The following CCL26 variants were observed in gnomAD, a reference collection of about 807,000 sequenced individuals.
The protein encoded by CCL26 is C-C motif chemokine ligand 26.
Under a neutral mutation model 10.7 loss-of-function variants are expected in CCL26, and 10 were observed. The observed-to-expected ratio is 0.93, with a 90% CI of 0.57 to 1.58. The LOEUF (loss-of-function observed/expected upper bound fraction) is 1.58. Among genes scored for constraint, CCL26 ranks in the 40% most tolerant of loss-of-function variants. CCL26 has a pLI of 0.00. For synonymous variants in CCL26, 43 were observed against 41.4 expected, an observed-to-expected ratio of 1.04 and a Z score of -0.15; for missense variants, 116 against 111.0, an observed-to-expected ratio of 1.05 and a Z score of -0.20.
chr7:75,781,589 A>G (rs575396831), intron 1 of CCL26, among the ~76,000 whole-genome samples: 1 of 152,316 alleles, frequency 6.6e-6, no homozygotes, highest in Admixed American at 6.5e-5. Flanking sequence ...ACCTGCACGT[A>G]TGCATCCAGA....
intron 1 of CCL26, among the ~76,000 whole-genome samples, chr7:75,787,115 G>A (rs1050789204): frequency 4.6e-5 from 7 of 152,242 alleles, no homozygotes; most frequent in Non-Finnish European, 8.8e-5. Flanking sequence ...TTCACTGGAT[G>A]GGTAGAGGCC....
intron 1 of CCL26, among the ~76,000 whole-genome samples, chr7:75,783,659 C>T (rs187464303): frequency 0.039 from 5,918 of 151,936 alleles, 157 homozygotes; most frequent in South Asian, 0.13. Flanking sequence ...TGGTGGCAGG[C>T]GCCTGTAGTC....
At chr7:75,787,702 A>C (rs1297265957) in intron 1 of CCL26, among the ~76,000 whole-genome samples, 2 of 99,800 alleles carry the variant, frequency 2.0e-5, no homozygotes, top group Non-Finnish European at 4.2e-5. Context: ...CAGCCTCTCA[A>C]CTTAAAAAAA....
rs1802832979 is a variant in CCL26 at position 75,771,990 on chromosome 7, TA to T, written c.86del (p.Ile29AsnfsTer34). ...HLGTATRGSDISKTCCFQYSH... is the reference protein window; with the variant it reads ...HLGTATRGSDXSKTCCFQYSH... ...TGTATTGGAAGCAGCAGGTCTTGGA[TA>T]TGTCACTCCCACCTAAAAATCAGGG... is the stretch of plus-strand genomic sequence containing the variant. On this transcript the variant is annotated frameshift_variant, in exon 2 of 3. Transcript: ENST00000005180. LOFTEE classifies it high-confidence loss of function. The T allele has an allele frequency of 6.2e-7, 1 of 1,613,544 alleles. No individual in the cohort carries two copies. The highest frequency in any genetic ancestry group is 1.7e-5 in the Admixed American group (1 of 59,992).
chr7:75,775,138 T>C (rs1802910046), upstream of CCL26, among the ~76,000 whole-genome samples: 1 of 151,276 alleles, frequency 6.6e-6, no homozygotes, highest in Admixed American at 6.6e-5. Context: ...GAGTATTGCT[T>C]GAACCGGGAG....
At chr7:75,790,720 G>A (rs1803312630), upstream of CCL26, among the ~76,000 whole-genome samples, 1 of 152,066 alleles carries the variant, frequency 6.6e-6, no homozygotes, top group Non-Finnish European at 1.5e-5. Flanking sequence ...GAGGCAGGCA[G>A]ATCACTGGAG....
Position 75,771,973 on chromosome 7 carries a change from A to G in CCL26, c.104T>C (p.Phe35Ser). The G allele has an allele frequency of 6.2e-7, 1 of 1,614,126 alleles. No homozygotes were observed. Among genetic ancestry groups the G allele is most frequent in the Non-Finnish European group, 8.5e-7 (1 of 1,179,956 alleles). The part of the protein sequence containing the change: ...RGSDISKTCC[F>S]QYSHKPLPWT... The stretch of plus-strand genomic sequence containing the variant: ...GGGAAGGGGCTTGTGGCTGTATTGG[A>G]AGCAGCAGGTCTTGGATATGTCACT... The change falls in exon 2 of 3, where the codon TTC (phenylalanine) becomes TCC (serine). Residue 35 changes from phenylalanine to serine, a missense_variant. By Grantham distance (155) the Phe-to-Ser change is radical (BLOSUM62 -2). Transcript: ENST00000005180.
chr7:75,773,253 G>A (rs1377876315), upstream of CCL26, among the ~76,000 whole-genome samples: 1 of 151,852 alleles, frequency 6.6e-6, no homozygotes, highest in Non-Finnish European at 1.5e-5. Flanking sequence ...GTGAAACCCC[G>A]TCCCCACTAG....
At chr7:75,786,953 A>G (rs1803205339) in intron 1 of CCL26, among the ~76,000 whole-genome samples, 1 of 152,184 alleles carries the variant, frequency 6.6e-6, no homozygotes, top group Non-Finnish European at 1.5e-5. Context: ...TCAGGGTTCC[A>G]TCTGCTATTC....
chr7:75,782,483 C>T (rs1452071366), intron 1 of CCL26, among the ~76,000 whole-genome samples: 1 of 152,038 alleles, frequency 6.6e-6, no homozygotes, highest in East Asian at 1.9e-4. Context: ...CATGTCTCTA[C>T]CCTTCTCTTT....
Position 75,769,636 on chromosome 7 carries a change from G to A in CCL26, c.*57C>T. The A allele has an allele frequency of 8.6e-7, 1 of 1,163,502 alleles. No individual in the cohort carries two copies. The allele number at this position is 1,163,502 out of a possible 1,614,324, so 72.1% of individuals were successfully genotyped here. On this transcript the variant is annotated 3_prime_UTR_variant, in exon 3 of 3. Transcript: ENST00000005180. ...CAGAAAAGATTCCGCAGGCTCCCCA[G>A]AGGGCTGCAGAGCCAAGAGCGGGGT...
intron 1 of CCL26, among the ~76,000 whole-genome samples, chr7:75,778,592 A>G (rs1258470750): frequency 6.9e-6 from 1 of 144,292 alleles, no homozygotes; most frequent in Non-Finnish European, 1.5e-5. Context: ...GGTCATTCGT[A>G]TGTCTTTGAG....
intron 1 of CCL26, among the ~76,000 whole-genome samples, chr7:75,782,777 CACATT>C (rs1198510361): frequency 6.6e-6 from 1 of 152,142 alleles, no homozygotes; most frequent in Non-Finnish European, 1.5e-5. Context: ...CATTCTTTTA[CACATT>C]AGTCCCTCCC....
chr7:75,781,403 T>TCC (rs782319029), intron 1 of CCL26, among the ~76,000 whole-genome samples: 3 of 152,162 alleles, frequency 2.0e-5, no homozygotes, highest in Non-Finnish European at 4.4e-5. Context: ...CTCCAGAACC[T>TCC]CCTACCCCAG....
At chr7:75,774,747 A>ATT (rs76359306), upstream of CCL26, among the ~76,000 whole-genome samples, 12 of 151,016 alleles carry the variant, frequency 7.9e-5, no homozygotes, top group African/African-American at 2.2e-4. Flanking sequence ...CACCCGGCCT[A>ATT]TTTTTTTTAA....
intron 1 of CCL26, among the ~76,000 whole-genome samples, chr7:75,778,016 A>G (rs536330773): frequency 6.6e-6 from 1 of 152,124 alleles, no homozygotes; most frequent in African/African-American, 2.4e-5. Context: ...CACCAACCCC[A>G]GCCGACATAT....
At chr7:75,787,724 A>G (rs1803231796) in intron 1 of CCL26, among the ~76,000 whole-genome samples, 1 of 148,582 alleles carries the variant, frequency 6.7e-6, no homozygotes, top group East Asian at 2.0e-4. Context: ...AAATAAAAGG[A>G]CTCTGTCAAA....
upstream of CCL26, among the ~76,000 whole-genome samples, chr7:75,776,993 G>T (rs1227165063): frequency 6.6e-6 from 1 of 152,072 alleles, no homozygotes; most frequent in Non-Finnish European, 1.5e-5. Context: ...CACTTTGGGG[G>T]GCCGAAGTGG....
upstream of CCL26, chr7:75,772,302 T>G (rs1263566719): frequency 1.5e-6 from 1 of 666,580 alleles, no homozygotes; most frequent in Admixed American, 2.8e-5. Flanking sequence ...GAAGCAGCAC[T>G]TTTGACCCAA....
Sources: gnomAD v4.1 joint callset for allele counts (sites outside exome capture counted in the v4.1 genomes callset) on GRCh38, gnomAD v4.1.1 for gene constraint, MANE v1.5 for transcripts, NCBI Gene and HGNC (gene_info 2026-07-23, HGNC 2026-07-21) for gene names.